SMAP1: variants seen among roughly 807,000 people sequenced by gnomAD.
SMAP1 encodes the protein small ArfGAP 1, also known as stromal membrane-associated protein 1.
SMAP1 carries 24 observed loss-of-function variants against 58.5 expected under a neutral mutation model. The observed-to-expected ratio is 0.41, with a 90% CI of 0.30 to 0.58. SMAP1 has a LOEUF of 0.58. Ranked by LOEUF, SMAP1 falls within the 20% of genes least tolerant of loss-of-function variation. The pLI is 0.29. For synonymous variants in SMAP1, 216 were observed against 196.6 expected, an observed-to-expected ratio of 1.10 and a Z score of -0.82; for missense variants, 563 against 566.3, an observed-to-expected ratio of 0.99 and a Z score of 0.06.
chr6:70,765,691 A>G (rs1013669051), intron 3 of SMAP1, among the ~76,000 whole-genome samples: 1 of 151,338 alleles, frequency 6.6e-6, no homozygotes, highest in Non-Finnish European at 1.5e-5. Context: ...ATACTTGACA[A>G]ATTTTTATTT....
chr6:70,742,455 C>A (rs1582096345), intron 2 of SMAP1, among the ~76,000 whole-genome samples: 2 of 152,188 alleles, frequency 1.3e-5, no homozygotes, highest in African/African-American at 2.4e-5. Flanking sequence ...CGGTTCCCAA[C>A]AAGTTCCTCA....
At chr6:70,690,688 T>TTATA (rs111848722) in intron 1 of SMAP1, among the ~76,000 whole-genome samples, 1,608 of 136,572 alleles carry the variant, frequency 0.012, 11 homozygotes, top group African/African-American at 0.019. Context: ...GATGTATCTT[T>TTATA]TATATATATA....
At chr6:70,839,041 G>T (rs546591470) in intron 7 of SMAP1, among the ~76,000 whole-genome samples, 1 of 152,128 alleles carries the variant, frequency 6.6e-6, no homozygotes, top group South Asian at 2.1e-4. Context: ...GAGTGGATGG[G>T]ATCTAGTTGA....
At chr6:70,710,383 C>T (rs761830933) in intron 1 of SMAP1, among the ~76,000 whole-genome samples, 69 of 149,054 alleles carry the variant, frequency 4.6e-4, no homozygotes, top group African/African-American at 1.5e-3. Context: ...CCCAGCTGCT[C>T]GGGAGGCTGA....
intron 5 of SMAP1, among the ~76,000 whole-genome samples, chr6:70,794,338 G>A (rs1240136110): frequency 1.3e-5 from 2 of 152,156 alleles, no homozygotes; most frequent in African/African-American, 2.4e-5. Flanking sequence ...CAAACTGCAT[G>A]ATGAGTTTAG....
chr6:70,817,455 T>C (rs1221493464), intron 6 of SMAP1, among the ~76,000 whole-genome samples: 3 of 152,126 alleles, frequency 2.0e-5, no homozygotes, highest in African/African-American at 7.2e-5. Flanking sequence ...TAGAGTCTTC[T>C]TTTCTGCAAG....
At chr6:70,791,833 AGT>A (rs1562164917) in intron 5 of SMAP1, 64 bp downstream of exon 5, 1 of 1,377,224 alleles carries the variant, frequency 7.3e-7, no homozygotes, top group Middle Eastern at 1.8e-4. Flanking sequence ...TTCCTTTTGC[AGT>A]GTGTCATTCG....
chr6:70,791,539 T>C lies in SMAP1; in HGVS notation c.415-150T>C, dbSNP rs1768352470. 1.8e-5 allele frequency: 10 copies of C among 543,364 alleles called. No homozygotes were observed. In the South Asian group the frequency reaches 2.6e-4, roughly 14 times the overall value. The allele number at this position is 543,364 out of a possible 1,614,324, so 33.7% of individuals were successfully genotyped here. A position where few individuals can be genotyped will look rare whatever the true frequency, so the allele number is the denominator to read the frequency against. ...TGAAATTTTTAAAAAGCAGTACTTA[T>C]TTCTTGATGCATTGTTTTACTTTAT... On this transcript the variant is annotated intron_variant, in intron 4 of 10. Coordinates refer to ENST00000370455, the MANE Select transcript of SMAP1 (RefSeq NM_001044305.3).
At chr6:70,776,710 T>G (rs1184234897) in intron 4 of SMAP1, among the ~76,000 whole-genome samples, 1 of 152,202 alleles carries the variant, frequency 6.6e-6, no homozygotes, top group Non-Finnish European at 1.5e-5. Context: ...TCAGTTTTTC[T>G]TAGCTCACAC....
intron 1 of SMAP1, among the ~76,000 whole-genome samples, chr6:70,702,392 GGA>G (rs1491130787): frequency 3.6e-4 from 44 of 122,044 alleles, no homozygotes; most frequent in African/African-American, 1.1e-3. Flanking sequence ...TTTTTTTTGG[GGA>G]GGGGGTCTGT....
chr6:70,861,439 A>G lies in SMAP1; in HGVS notation c.*1105A>G, dbSNP rs1040364970. The G allele has an allele frequency of 7.6e-6, 4 of 529,418 alleles. No homozygotes were observed. The highest frequency in any genetic ancestry group is 1.9e-5 in the African/African-American group (1 of 52,876). The allele number at this position is 529,418 out of a possible 1,614,324, so 32.8% of individuals were successfully genotyped here. On this transcript the variant is annotated 3_prime_UTR_variant, in exon 11 of 11. Transcript: ENST00000370455. Reference sequence around the variant, plus strand: ...TTCCAATTTAGTTGTTGTAGAGAAAACATGCAGAACAAATGAAGACAAAAC... The same window carrying G: ...TTCCAATTTAGTTGTTGTAGAGAAAGCATGCAGAACAAATGAAGACAAAAC...
intron 6 of SMAP1, among the ~76,000 whole-genome samples, chr6:70,824,782 G>A (rs943534266): frequency 4.6e-5 from 7 of 152,038 alleles, no homozygotes; most frequent in East Asian, 1.9e-4. Context: ...TCAGTTTACC[G>A]ATGAGGAAAG....
At chr6:70,777,990 G>A (rs901099896) in intron 4 of SMAP1, among the ~76,000 whole-genome samples, 1 of 152,066 alleles carries the variant, frequency 6.6e-6, no homozygotes, top group Non-Finnish European at 1.5e-5. Context: ...GGCCTCAAGT[G>A]ATCCCCCTGC....
chr6:70,828,073 T>C (rs1006488604), intron 6 of SMAP1, among the ~76,000 whole-genome samples: 1 of 152,180 alleles, frequency 6.6e-6, no homozygotes, highest in Non-Finnish European at 1.5e-5. Flanking sequence ...TAAGGTTGTA[T>C]ATAATTCAGT....
intron 3 of SMAP1, among the ~76,000 whole-genome samples, chr6:70,768,100 C>G (rs926973697): frequency 3.3e-5 from 5 of 152,134 alleles, no homozygotes; most frequent in East Asian, 1.9e-4. Context: ...AGGGATGAAG[C>G]CCACTTGATC....
intron 6 of SMAP1, among the ~76,000 whole-genome samples, chr6:70,802,041 A>G (rs546281304): frequency 4.6e-5 from 7 of 152,276 alleles, no homozygotes; most frequent in African/African-American, 9.6e-5. Context: ...GTTTTTTCCA[A>G]TTCTGTGAAG....
intron 1 of SMAP1, among the ~76,000 whole-genome samples, chr6:70,726,678 C>A (rs1382217064): frequency 6.6e-6 from 1 of 152,108 alleles, no homozygotes; most frequent in African/African-American, 2.4e-5. Context: ...CATGTGAAAG[C>A]TACAAGGCAA....
chr6:70,817,496 C>T lies in SMAP1; in HGVS notation c.576+18759C>T, dbSNP rs770585445. Among the ~76,000 whole-genome samples the T allele has an allele frequency of 2.3e-4, 35 of 152,154 alleles. 1 individual carries two copies. Among genetic ancestry groups the T allele is most frequent in the Non-Finnish European group, 4.4e-4 (30 of 68,016 alleles). The stretch of plus-strand genomic sequence containing the variant: ...ATCCATTGCTTTCAGAAAACTGGGA[C>T]TTTTTCTCTTCAAACACAGCTGTGG... On this transcript the variant is annotated intron_variant, in intron 6 of 10. Transcript: ENST00000370455.
At chr6:70,809,865 A>AT (rs1395960559) in intron 6 of SMAP1, among the ~76,000 whole-genome samples, 1 of 152,134 alleles carries the variant, frequency 6.6e-6, no homozygotes, top group Non-Finnish European at 1.5e-5. Flanking sequence ...TTGTTTATAG[A>AT]TTTTTAAAGG....
Sources: allele counts gnomAD v4.1 joint callset (sites outside exome capture counted in the v4.1 genomes callset), GRCh38; gene constraint gnomAD v4.1.1; transcripts MANE v1.5; gene names NCBI Gene and HGNC (gene_info 2026-07-23, HGNC 2026-07-21).